The following PEX14 variants were observed in gnomAD, a reference collection of about 807,000 sequenced individuals.
PEX14 encodes peroxisomal membrane protein PEX14.
Under a neutral mutation model 49.5 loss-of-function variants are expected in PEX14, and 15 were observed. The observed-to-expected ratio is 0.30, with a 90% CI of 0.20 to 0.47. The LOEUF (loss-of-function observed/expected upper bound fraction) is 0.47. PEX14 is among the 20% of genes least tolerant of loss of function. The pLI is 1.00. For synonymous variants in PEX14, 210 were observed against 212.7 expected, an observed-to-expected ratio of 0.99 and a Z score of 0.11; for missense variants, 398 against 494.8, an observed-to-expected ratio of 0.80 and a Z score of 1.86.
At chr1:10,500,398 AAAAAG>A (rs1557813387) in intron 2 of PEX14, among the ~76,000 whole-genome samples, 7 of 148,576 alleles carry the variant, frequency 4.7e-5, no homozygotes, top group African/African-American at 1.3e-4. Flanking sequence ...AAAAAAAAAA[AAAAAG>A]AAAAGAAAAG....
chr1:10,525,298 G>A (rs1338177557), intron 2 of PEX14, among the ~76,000 whole-genome samples: 1 of 151,632 alleles, frequency 6.6e-6, no homozygotes, highest in Non-Finnish European at 1.5e-5. Context: ...CAGCCCTTAT[G>A]TCATTACTTC....
In PEX14 at chr1:10,624,408, G is replaced by C. The variant is rs543130270; in HGVS notation, c.556G>C (p.Glu186Gln). Residue 186 changes from glutamate to glutamine, a missense_variant, in exon 7 of 9, where the codon GAG (glutamate) becomes CAG (glutamine). Around this residue, in one of 3 missense-constraint regions of PEX14, gnomAD observed 202 missense variants for 298.5 expected, o/e 0.68. Transcript: ENST00000356607. ...LLIQQQQKIQ[E>Q]LAHELAAAKA... is the part of the protein sequence containing the mutation. ...GATTCAGCAGCAGCAGAAGATCCAGGAGCTTGCCCACGAGCTGGCCGCTGC... is the reference window on the plus strand; with the variant it reads ...GATTCAGCAGCAGCAGAAGATCCAGCAGCTTGCCCACGAGCTGGCCGCTGC... The C allele has an allele frequency of 8.1e-6, 13 of 1,613,278 alleles. No individual in the cohort carries two copies. The Middle Eastern group carries it at 4.9e-4, about 61-fold the overall frequency.
intron 2 of PEX14, among the ~76,000 whole-genome samples, chr1:10,498,897 A>G (rs1454914258): frequency 6.6e-6 from 1 of 152,212 alleles, no homozygotes; most frequent in Non-Finnish European, 1.5e-5. Context: ...AGCTTCTCCC[A>G]GATCTGTGAA....
At chr1:10,608,841 T>A (rs1288326810) in intron 4 of PEX14, among the ~76,000 whole-genome samples, 1 of 152,212 alleles carries the variant, frequency 6.6e-6, no homozygotes, top group Non-Finnish European at 1.5e-5. Flanking sequence ...TACCGAGTGA[T>A]GCAGCTGTCA....
chr1:10,530,514 T>G (rs1194390213), intron 2 of PEX14, among the ~76,000 whole-genome samples: 2 of 152,008 alleles, frequency 1.3e-5, no homozygotes, highest in African/African-American at 4.8e-5. Context: ...GTTATTCCCC[T>G]CTTGCCATTC....
chr1:10,546,613 T>TC (rs1271708012), intron 3 of PEX14, among the ~76,000 whole-genome samples: 2 of 123,702 alleles, frequency 1.6e-5, no homozygotes, highest in Non-Finnish European at 3.3e-5. Context: ...ACGCCTATAA[T>TC]CCCAGCACTT....
intron 3 of PEX14, among the ~76,000 whole-genome samples, chr1:10,549,994 T>G (rs1201669142): frequency 6.6e-6 from 1 of 152,214 alleles, no homozygotes; most frequent in South Asian, 2.1e-4. Flanking sequence ...ATTGAGTGCA[T>G]GTATCTTACA....
intron 1 of PEX14, among the ~76,000 whole-genome samples, chr1:10,475,327 C>T (rs186954197): frequency 2.0e-5 from 3 of 152,308 alleles, no homozygotes; most frequent in East Asian, 1.9e-4. Context: ...CAGCCTTGAG[C>T]TGCGAGGGCT....
At chr1:10,490,233 C>T (rs1349623551) in intron 1 of PEX14, among the ~76,000 whole-genome samples, 1 of 151,950 alleles carries the variant, frequency 6.6e-6, no homozygotes, top group Non-Finnish European at 1.5e-5. Flanking sequence ...GGGATCGAAT[C>T]TTATTCTTCC....
intron 3 of PEX14, among the ~76,000 whole-genome samples, chr1:10,559,569 C>T (rs1180882228): frequency 4.6e-5 from 7 of 152,132 alleles, no homozygotes; most frequent in African/African-American, 9.7e-5. Context: ...CGGGGGCTGG[C>T]GGTCCATTGC....
chr1:10,586,847 T>G (rs1640508589), intron 3 of PEX14, among the ~76,000 whole-genome samples: 1 of 151,954 alleles, frequency 6.6e-6, no homozygotes, highest in African/African-American at 2.4e-5. Context: ...TTCACCATGT[T>G]AGCCAGGATG....
At chr1:10,507,009 TACTAGCTCCGATC>T (rs1641794599) in intron 2 of PEX14, among the ~76,000 whole-genome samples, 1 of 152,260 alleles carries the variant, frequency 6.6e-6, no homozygotes, top group South Asian at 2.1e-4. Context: ...ACCGAACAAT[TACTAGCTCCGATC>T]ACATAGGCCA....
chr1:10,570,460 G>A (rs1255267259), intron 3 of PEX14, among the ~76,000 whole-genome samples: 2 of 152,050 alleles, frequency 1.3e-5, no homozygotes, highest in Admixed American at 6.6e-5. Flanking sequence ...AGCCTCCTGA[G>A]TAGCTGGGAC....
intron 6 of PEX14, among the ~76,000 whole-genome samples, chr1:10,624,080 G>T (rs1641673160): frequency 6.6e-6 from 1 of 152,216 alleles, no homozygotes; most frequent in Non-Finnish European, 1.5e-5. Context: ...TCTAATTAGA[G>T]GGGAGAGGTT....
At position 10,627,341 on chromosome 1, in the gene PEX14, T is replaced by C. The variant is rs891004982; in HGVS notation, c.655T>C (p.Leu219=). 1.2e-6 allele frequency: 2 copies of C among 1,611,024 alleles called. No individual in the cohort carries two copies. The highest frequency in any genetic ancestry group is 1.7e-6 in the Non-Finnish European group (2 of 1,177,284). Residue 219 remains leucine, a synonymous_variant, in exon 8 of 9, where the codon TTG becomes CTG. Transcript: ENST00000356607. Reference sequence around the variant, plus strand: ...CGAACTCAAGTCCGAAATTAACTCCTTGAAAGGGCTTCTTTTAAATCGGTA... The same window carrying C: ...CGAACTCAAGTCCGAAATTAACTCCCTGAAAGGGCTTCTTTTAAATCGGTA... The part of the protein sequence containing the change: ...INELKSEINS[L]KGLLLNRRQF...
chr1:10,500,048 TAACC>T (rs1252689781), intron 2 of PEX14, among the ~76,000 whole-genome samples: 1 of 152,046 alleles, frequency 6.6e-6, no homozygotes, highest in African/African-American at 2.4e-5. Context: ...ACAAGCCAAT[TAACC>T]AGAGGCTGGT....
intron 3 of PEX14, among the ~76,000 whole-genome samples, chr1:10,549,176 C>T (rs991320725): frequency 1.3e-5 from 2 of 151,888 alleles, no homozygotes; most frequent in African/African-American, 2.4e-5. Context: ...ATCACAACCA[C>T]GTAAATGTCA....
chr1:10,508,968 G>T (rs578173508), intron 2 of PEX14, among the ~76,000 whole-genome samples: 136 of 150,214 alleles, frequency 9.1e-4, no homozygotes, highest in Non-Finnish European at 1.6e-3. Context: ...ACGGAGTCTC[G>T]CTCTGTCGCC....
intron 2 of PEX14, chr1:10,528,332 A>G (rs1638551342): frequency 1.0e-6 from 1 of 977,496 alleles, no homozygotes; most frequent in African/African-American, 1.8e-5. Context: ...GCAGGGTTTC[A>G]TCTGCTGAGC....
Sources: gnomAD v4.1 joint callset for allele counts (sites outside exome capture counted in the v4.1 genomes callset) on GRCh38, gnomAD v4.1.1 for gene constraint, gnomAD v4.1.1 regional missense constraint, MANE v1.5 for transcripts, NCBI Gene and HGNC (gene_info 2026-07-23, HGNC 2026-07-21) for gene names.